The following CBL variants were observed in gnomAD, a reference collection of about 807,000 sequenced individuals.
The protein encoded by CBL is E3 ubiquitin-protein ligase CBL.
In CBL, 45 loss-of-function variants were observed where a neutral mutation model predicts 96.9. The observed-to-expected ratio is 0.46, with a 90% CI of 0.37 to 0.60. The LOEUF (loss-of-function observed/expected upper bound fraction) is 0.60. CBL is among the 20% of genes least tolerant of loss of function. CBL has a pLI of 0.00. For synonymous variants in CBL, 420 were observed against 426.8 expected (o/e 0.98, Z 0.20); for missense variants, 1,024 against 1,143.5 (o/e 0.90, Z 1.51).
At chr11:119,219,348 A>G (rs571495801) in intron 1 of CBL, among the ~76,000 whole-genome samples, 1 of 151,166 alleles carries the variant, frequency 6.6e-6, no homozygotes, top group South Asian at 2.1e-4. Context: ...ATTGCACTCC[A>G]GCCTGGGCAC....
chr11:119,274,064 C>T (rs1413966570), intron 4 of CBL, 40 bp downstream of exon 4: 5 of 1,405,174 alleles, frequency 3.6e-6, no homozygotes, highest in Non-Finnish European at 5.0e-6. Context: ...GTTACTGCTA[C>T]TTCGGTGAAG....
chr11:119,253,745 G>A (rs915812305), intron 2 of CBL, among the ~76,000 whole-genome samples: 3 of 150,632 alleles, frequency 2.0e-5, no homozygotes, highest in African/African-American at 7.3e-5. Flanking sequence ...GGCTGATTTG[G>A]GAAGATGCTT....
intron 2 of CBL, among the ~76,000 whole-genome samples, chr11:119,255,927 G>T (rs1219659793): frequency 1.3e-5 from 2 of 151,896 alleles, no homozygotes; most frequent in South Asian, 4.2e-4. Context: ...TAGAGGCAGG[G>T]TTTTACTGTG....
intron 2 of CBL, among the ~76,000 whole-genome samples, chr11:119,264,070 G>A (rs1268271997): frequency 2.6e-5 from 4 of 152,232 alleles, no homozygotes; most frequent in South Asian, 2.1e-4. Context: ...CCCTGTAATC[G>A]TATTGTATAA....
At chr11:119,231,649 G>A (rs952862273) in intron 1 of CBL, among the ~76,000 whole-genome samples, 20 of 143,626 alleles carry the variant, frequency 1.4e-4, no homozygotes, top group African/African-American at 3.4e-4. Context: ...CGGAGGTTGC[G>A]GTGAGCCAAG....
chr11:119,245,788 G>T (rs1409454744), intron 2 of CBL, among the ~76,000 whole-genome samples: 1 of 151,752 alleles, frequency 6.6e-6, no homozygotes, highest in African/African-American at 2.4e-5. Flanking sequence ...TCATAACTGG[G>T]ACTATAGGTC....
rs530346659 is a variant in CBL at position 119,307,606 on chromosome 11, A to G, written c.*7825A>G. 1 of 231,764 alleles carries G rather than the reference A, an allele frequency of 4.3e-6. No individual in the cohort carries two copies. Among genetic ancestry groups the G allele is most frequent in the Admixed American group, 5.6e-5 (1 of 17,702 alleles). 14.4% of individuals were successfully genotyped at this position (231,764 alleles called of 1,614,324 possible). ...TGTGACTATAGTGAGCTTTAGCAAA[A>G]GTTTTTCTATATAATGACATCTTAC... On this transcript the variant is annotated 3_prime_UTR_variant, in exon 16 of 16. Coordinates refer to ENST00000264033, the MANE Select transcript of CBL (RefSeq NM_005188.4).
intron 2 of CBL, among the ~76,000 whole-genome samples, chr11:119,251,818 A>T (rs1433440110): frequency 6.6e-6 from 1 of 152,152 alleles, no homozygotes; most frequent in African/African-American, 2.4e-5. Flanking sequence ...GCTTTTTCCA[A>T]TCACTTTACT....
intron 2 of CBL, among the ~76,000 whole-genome samples, chr11:119,253,201 C>A (rs1162869663): frequency 1.3e-5 from 2 of 151,850 alleles, no homozygotes; most frequent in South Asian, 2.1e-4. Flanking sequence ...ACATTGTACC[C>A]CATGAATATA....
chr11:119,275,074 T>C, intron 5 of CBL, 121 bp downstream of exon 5: 1 of 968,568 alleles, frequency 1.0e-6, no homozygotes, highest in Non-Finnish European at 1.6e-6. Context: ...GCAATAGGAT[T>C]GATACCTGTT....
At position 119,278,602 on chromosome 11, in the gene CBL, C is replaced by T. The variant is rs794727972; in HGVS notation, c.1320C>T (p.Gly440=). 5.0e-6 allele frequency: 8 copies of T among 1,613,852 alleles called. No homozygotes were observed. The highest frequency in any genetic ancestry group is 2.7e-5 in the African/African-American group (2 of 74,862). The change falls in exon 9 of 16, where the codon GGC becomes GGT. Residue 440 remains glycine (G), a synonymous_variant. Coordinates refer to ENST00000264033, the MANE Select transcript of CBL (RefSeq NM_005188.4). ...VVDPFDPRGS[G]SLLRQGAEGA... ...ATCCGTTTGATCCTAGAGGGAGTGG[C>T]AGCCTGTTGAGGCAAGGAGCAGAGG...
In CBL at chr11:119,278,645, T is replaced by G; in HGVS notation, c.1363T>G (p.Tyr455Asp). Residue 455 changes from tyrosine (Y) to aspartate (D), a missense_variant, in exon 9 of 16, where the codon TAT becomes GAT. This residue lies in a region of CBL where 695 missense variants were observed against 661.6 expected (regional missense o/e 1.05). Coordinates refer to ENST00000264033, the MANE Select transcript of CBL (RefSeq NM_005188.4). ...QGAEGAPSPNYDDDDDERADD... is the reference protein window; with the variant it reads ...QGAEGAPSPNDDDDDDERADD... ...AGCAGAGGGAGCTCCCTCCCCAAAT[T>G]ATGATGATGATGATGATGAACGAGC... is the stretch of plus-strand genomic sequence containing the variant. 3.7e-6 allele frequency: 6 copies of G among 1,613,022 alleles called. No homozygotes were observed. The highest frequency in any genetic ancestry group is 1.7e-5 in the Admixed American group (1 of 59,946).
At chr11:119,295,558 C>CAA (rs578082370) in intron 12 of CBL, among the ~76,000 whole-genome samples, 1 of 147,158 alleles carries the variant, frequency 6.8e-6, no homozygotes, top group Non-Finnish European at 1.5e-5. Flanking sequence ...TCTGTCTCTA[C>CAA]AAAAAAAAAA....
At chr11:119,255,163 G>T (rs1949701812) in intron 2 of CBL, among the ~76,000 whole-genome samples, 1 of 152,118 alleles carries the variant, frequency 6.6e-6, no homozygotes, top group Non-Finnish European at 1.5e-5. Flanking sequence ...GTGAGTTTGG[G>T]TACTGACTTT....
intron 9 of CBL, among the ~76,000 whole-genome samples, chr11:119,280,682 C>T (rs1279287201): frequency 6.6e-6 from 1 of 152,108 alleles, no homozygotes; most frequent in Non-Finnish European, 1.5e-5. Context: ...ACCTCTCTGT[C>T]CCCTCGTTCA....
In CBL at chr11:119,306,810, C is replaced by T. The variant is rs1489965172; in HGVS notation, c.*7029C>T. On this transcript the variant is annotated 3_prime_UTR_variant, in exon 16 of 16. Coordinates refer to ENST00000264033, the MANE Select transcript of CBL (RefSeq NM_005188.4). ...CTTGAAAGAAAAGCCTGACTTCCTG[C>T]TGACACATGTGGTAGGGGCATGGCA... 23 of 234,960 alleles carry T rather than the reference C, an allele frequency of 9.8e-5. No individual in the cohort carries two copies. Among genetic ancestry groups the T allele is most frequent in the Non-Finnish European group, 7.6e-5 (9 of 119,170 alleles). 14.6% of individuals were successfully genotyped at this position (234,960 alleles called of 1,614,324 possible).
At chr11:119,278,422 T>A (rs1949906822) in intron 8 of CBL, 88 bp from the exon 9 acceptor site, 9 of 1,545,940 alleles carry the variant, frequency 5.8e-6, no homozygotes, top group Non-Finnish European at 8.0e-6. Context: ...TTTACTTTTT[T>A]TTGATCTCTA....
At chr11:119,277,114 G>T (rs145131401) in intron 6 of CBL, among the ~76,000 whole-genome samples, 1 of 152,130 alleles carries the variant, frequency 6.6e-6, no homozygotes, top group Admixed American at 6.6e-5. Flanking sequence ...GGACGTGGTG[G>T]TGGGTGCCTG....
chr11:119,231,139 A>G (rs1295437089), intron 1 of CBL, among the ~76,000 whole-genome samples: 1 of 152,194 alleles, frequency 6.6e-6, no homozygotes, highest in African/African-American at 2.4e-5. Context: ...GCGGTGGCTC[A>G]TGCCTGTAAT....
Sources: allele counts gnomAD v4.1 joint callset (sites outside exome capture counted in the v4.1 genomes callset), GRCh38; gene constraint gnomAD v4.1.1; regional missense constraint gnomAD v4.1.1; transcripts MANE v1.5; gene names NCBI Gene and HGNC (gene_info 2026-07-23, HGNC 2026-07-21).